The following KRTCAP2 variants were observed in gnomAD, a reference collection of about 807,000 sequenced individuals.
KRTCAP2 encodes the protein dolichyl-diphosphooligosaccharide--protein glycosyltransferase subunit KCP2.
Under a neutral mutation model 16.5 loss-of-function variants are expected in KRTCAP2, and 10 were observed. The observed-to-expected ratio is 0.60, with a 90% confidence interval of 0.37 to 1.02. KRTCAP2 has a LOEUF of 1.02. Ranked by LOEUF, KRTCAP2 falls within the 50% of genes least tolerant of loss-of-function variation. The probability of loss-of-function intolerance (pLI) is 0.01; values close to 1 mark genes in which losing one functional copy is unlikely to be tolerated. For missense variants in KRTCAP2, 152 were observed against 159.6 expected (o/e 0.95, Z 0.26); for synonymous variants, 68 against 69.8 (o/e 0.97, Z 0.13).
At chr1:155,172,457 A>AT (rs1372086928) in intron 3 of KRTCAP2, 108 bp downstream of exon 3, 2 of 1,585,628 alleles carry the variant, frequency 1.3e-6, no homozygotes, top group East Asian at 4.6e-5. Flanking sequence ...TTCAGTAAAT[A>AT]TATTTCTCCT....
intron 1 of KRTCAP2, 98 bp downstream of exon 1, chr1:155,173,123 A>T (rs889083006): frequency 8.6e-7 from 1 of 1,156,514 alleles, no homozygotes; most frequent in Non-Finnish European, 1.3e-6. Context: ...GGTGGAACCC[A>T]GGACACGTCA....
chr1:155,171,728 C>T lies in KRTCAP2; in HGVS notation c.223+837G>A, dbSNP rs185073084. On this transcript the variant is annotated intron_variant, in intron 3 of 4. Coordinates refer to ENST00000295682, the MANE Select transcript of KRTCAP2 (RefSeq NM_173852.4). Reference sequence around the variant, plus strand: ...AAAACAGTAGCTGGGTGTGGTGGCACTCACTGGTAGTCCCAGCTACTGGTA... The same window carrying T: ...AAAACAGTAGCTGGGTGTGGTGGCATTCACTGGTAGTCCCAGCTACTGGTA... 1,955 of 520,484 alleles carry T rather than the reference C, an allele frequency of 3.8e-3. 5 individuals carry two copies. The highest frequency in any genetic ancestry group is 5.1e-3 in the Admixed American group (79 of 15,608). The allele number at this position is 520,484 out of a possible 1,614,324, so 32.2% of individuals were successfully genotyped here. A position where few individuals can be genotyped will look rare whatever the true frequency, so the allele number is the denominator to read the frequency against.
At chr1:155,172,913 G>A (rs903677753) in intron 1 of KRTCAP2, 21 bp from the exon 2 acceptor site, 2 of 1,612,190 alleles carry the variant, frequency 1.2e-6, no homozygotes, top group Admixed American at 3.3e-5. Flanking sequence ...TGGGAGAAGG[G>A]ACGGAGAGTC....
chr1:155,170,444 T>TAAAA (rs1665206621), intron 3 of KRTCAP2: 1 of 151,228 alleles, frequency 6.6e-6, no homozygotes, highest in African/African-American at 2.4e-5. Context: ...TTTCCTCCCA[T>TAAAA]AAAAGGAAAA....
chr1:155,173,281 G>T lies in KRTCAP2; in HGVS notation c.-57C>A, dbSNP rs551900242. The T allele has an allele frequency of 8.1e-6, 13 of 1,613,932 alleles. No individual in the cohort carries two copies. The highest frequency in any genetic ancestry group is 3.3e-4 in the Middle Eastern group (2 of 6,080). ...CTGGCCAAGAAAGGCGAGCTGAACCGGGTGCGGTTAGCTATGCGCATGCGT... is the reference window on the plus strand; with the variant it reads ...CTGGCCAAGAAAGGCGAGCTGAACCTGGTGCGGTTAGCTATGCGCATGCGT... On this transcript the variant is annotated 5_prime_UTR_variant, in exon 1 of 5. Coordinates refer to ENST00000295682, the MANE Select transcript of KRTCAP2 (RefSeq NM_173852.4).
At position 155,172,404 on chromosome 1, in the gene KRTCAP2, T is replaced by C. The variant is rs1665283327; in HGVS notation, c.223+161A>G. On this transcript the variant is annotated intron_variant, in intron 3 of 4. Transcript: ENST00000295682. ...CTTCCAGCTCCAACTCCAGGAGCTATACAAGGTGCAGAATCGAAAAGCGTC... is the reference window on the plus strand; with the variant it reads ...CTTCCAGCTCCAACTCCAGGAGCTACACAAGGTGCAGAATCGAAAAGCGTC... 4.7e-6 allele frequency: 7 copies of C among 1,480,796 alleles called. No homozygotes were observed. In the South Asian group the frequency reaches 6.9e-5, roughly 15 times the overall value. 91.7% of individuals were successfully genotyped at this position (1,480,796 alleles called of 1,614,324 possible).
At chr1:155,169,766 C>T (rs1160840149) in intron 4 of KRTCAP2, 25 bp downstream of exon 4, 2 of 1,575,884 alleles carry the variant, frequency 1.3e-6, no homozygotes, top group East Asian at 2.3e-5. Context: ...ATGCTACACC[C>T]CTTACCCAGC....
intron 1 of KRTCAP2, 153 bp from the exon 2 acceptor site, chr1:155,173,045 G>C (rs1665323402): frequency 2.0e-6 from 2 of 981,796 alleles, no homozygotes; most frequent in Non-Finnish European, 1.5e-6. Context: ...ACACCGCGCG[G>C]CAACCCCTAC....
intron 4 of KRTCAP2, 22 bp from the exon 5 acceptor site, chr1:155,169,582 G>A: frequency 6.2e-7 from 1 of 1,611,674 alleles, no homozygotes; most frequent in South Asian, 1.1e-5. Context: ...AGACAGAAAG[G>A]TCATGGCACC....
At position 155,173,260 on chromosome 1, in the gene KRTCAP2, C is replaced by A. The variant is rs1285967116; in HGVS notation, c.-36G>T. The A allele has an allele frequency of 2.3e-5, 37 of 1,614,036 alleles. No homozygotes were observed. In the Admixed American group the frequency reaches 6.0e-4, roughly 26 times the overall value. The stretch of plus-strand genomic sequence containing the variant: ...CCGTGAGTCCAACCGGCGCCTCTGG[C>A]CAAGAAAGGCGAGCTGAACCGGGTG... On this transcript the variant is annotated 5_prime_UTR_variant, in exon 1 of 5. Coordinates refer to ENST00000295682, the MANE Select transcript of KRTCAP2 (RefSeq NM_173852.4).
chr1:155,171,277 GT>G, intron 3 of KRTCAP2: 1 of 175,148 alleles, frequency 5.7e-6, no homozygotes, highest in Non-Finnish European at 1.1e-5. Flanking sequence ...AAATTAGCCA[GT>G]TATGGTGGCG....
intron 3 of KRTCAP2, 35 bp from the exon 4 acceptor site, chr1:155,169,892 C>A: frequency 1.4e-6 from 2 of 1,440,370 alleles, no homozygotes; most frequent in South Asian, 2.4e-5. Context: ...GGGCAACGGT[C>A]AGAATGGAAA....
Position 155,172,905 on chromosome 1 carries a change from G to A in KRTCAP2, c.5-13C>T. ...CCCGTACCCACCACTGGAGGGGATGGGAGAAGGGACGGAGAGTCAGGCTCC... is the reference window on the plus strand; with the variant it reads ...CCCGTACCCACCACTGGAGGGGATGAGAGAAGGGACGGAGAGTCAGGCTCC... On this transcript the variant is annotated splice_polypyrimidine_tract_variant and intron_variant, in intron 1 of 4. Coordinates refer to ENST00000295682, the MANE Select transcript of KRTCAP2 (RefSeq NM_173852.4). 6.2e-7 allele frequency: 1 copy of A among 1,613,334 alleles called. No individual in the cohort carries two copies. The highest frequency in any genetic ancestry group is 8.5e-7 in the Non-Finnish European group (1 of 1,179,768).
At chr1:155,170,358 AAAAG>A (rs1340615736) in intron 3 of KRTCAP2, 1 of 152,598 alleles carries the variant, frequency 6.6e-6, no homozygotes, top group Non-Finnish European at 1.5e-5. Flanking sequence ...AAAAAAAAAA[AAAAG>A]AACATGGATG....
intron 3 of KRTCAP2, 155 bp downstream of exon 3, chr1:155,172,410 G>A: frequency 6.7e-7 from 1 of 1,492,506 alleles, no homozygotes; most frequent in Non-Finnish European, 8.9e-7. Context: ...GCTATACAAG[G>A]TGCAGAATCG....
intron 3 of KRTCAP2, chr1:155,171,560 G>C: frequency 1.0e-6 from 1 of 983,892 alleles, no homozygotes; most frequent in Non-Finnish European, 1.2e-6. Flanking sequence ...CTAGAGGGGG[G>C]CAAAGAAATG....
rs1665302780 is a variant in KRTCAP2 at position 155,172,753 on chromosome 1, G to T, written c.144C>A (p.Phe48Leu). Residue 48 changes from phenylalanine to leucine, a missense_variant, in exon 2 of 5, where the codon TTC (phenylalanine) becomes TTA (leucine). Transcript: ENST00000295682. Reference sequence around the variant, plus strand: ...GGGAGGATACAGTGAGCGAGAACACGAAGAGACCCGAACCAAGCAGGCCGC... The same window carrying T: ...GGGAGGATACAGTGAGCGAGAACACTAAGAGACCCGAACCAAGCAGGCCGC... ...IQGGLLGSGL[F>L]VFSLTAFNNL... 2 of 1,614,066 alleles carry T rather than the reference G, an allele frequency of 1.2e-6. No homozygotes were observed. Among genetic ancestry groups the T allele is most frequent in the East Asian group, 2.2e-5 (1 of 44,890 alleles).
At position 155,169,857 on chromosome 1, in the gene KRTCAP2, A is replaced by G; in HGVS notation, c.224T>C (p.Ile75Thr). 6.3e-7 allele frequency: 1 copy of G among 1,585,114 alleles called. No individual in the cohort carries two copies. ...GAGAGCCAACAGGAGGCACAGGAGAACTAGGGAGGCAAGAAGAACAAGGAG... is the reference window on the plus strand; with the variant it reads ...GAGAGCCAACAGGAGGCACAGGAGAGCTAGGGAGGCAAGAAGAACAAGGAG... ...KGFQAKIFPEILLCLLLALFA... is the reference protein window; with the variant it reads ...KGFQAKIFPETLLCLLLALFA... The change falls in exon 4 of 5, where the codon ATT becomes ACT. Residue 75 changes from isoleucine (I) to threonine (T), a missense_variant and splice_region_variant. Ile to Thr is a moderately conservative substitution (Grantham distance 89). Coordinates refer to ENST00000295682, the MANE Select transcript of KRTCAP2 (RefSeq NM_173852.4).
At position 155,173,236 on chromosome 1, in the gene KRTCAP2, C is replaced by A. The variant is rs144579240; in HGVS notation, c.-12G>T. On this transcript the variant is annotated 5_prime_UTR_variant, in exon 1 of 5. Transcript: ENST00000295682. Reference sequence around the variant, plus strand: ...GTCCTGTTACCCATCATGCCCCGCCCGTGAGTCCAACCGGCGCCTCTGGCC... The same window carrying A: ...GTCCTGTTACCCATCATGCCCCGCCAGTGAGTCCAACCGGCGCCTCTGGCC... 6.2e-6 allele frequency: 10 copies of A among 1,613,868 alleles called. No homozygotes were observed. The highest frequency in any genetic ancestry group is 8.5e-6 in the Non-Finnish European group (10 of 1,180,016).
Sources: allele counts gnomAD v4.1 joint callset, GRCh38; gene constraint gnomAD v4.1.1; transcripts MANE v1.5; gene names NCBI Gene and HGNC (gene_info 2026-07-23, HGNC 2026-07-21).